LAMA4: variants seen among roughly 807,000 people sequenced by gnomAD.
LAMA4 encodes the protein laminin subunit alpha 4.
LAMA4 carries 127 observed loss-of-function variants against 207.1 expected under a neutral mutation model. The ratio of observed to expected loss-of-function variants is 0.61; its 90% CI spans 0.53 to 0.71. The LOEUF (loss-of-function observed/expected upper bound fraction) is 0.71, where lower values mean the gene tolerates loss of function less well. Ranked by LOEUF, LAMA4 falls within the 30% of genes least tolerant of loss-of-function variation. The pLI is 0.00. For missense variants in LAMA4, 2,093 were observed against 2,246.5 expected, an observed-to-expected ratio of 0.93 and a Z score of 1.38; for synonymous variants, 761 against 816.0, an observed-to-expected ratio of 0.93 and a Z score of 1.15.
At chr6:112,179,592 G>A (rs1782225025) in intron 9 of LAMA4, 1 of 157,510 alleles carries the variant, frequency 6.3e-6, no homozygotes, top group Admixed American at 6.5e-5. Context: ...GGATAGGGAA[G>A]TGGTTGTTTT....
intron 27 of LAMA4, 132 bp from the exon 28 acceptor site, chr6:112,133,022 T>G: frequency 1.0e-6 from 1 of 995,204 alleles, no homozygotes; most frequent in Non-Finnish European, 1.5e-6. Flanking sequence ...TTCTGGTCTA[T>G]GTTGGAATTC....
At chr6:112,215,509 T>C (rs185221418) in intron 3 of LAMA4, among the ~76,000 whole-genome samples, 2 of 141,186 alleles carry the variant, frequency 1.4e-5, no homozygotes, top group Admixed American at 1.4e-4. Context: ...GCAAAAATAC[T>C]CTTGTAGTTT....
intron 2 of LAMA4, among the ~76,000 whole-genome samples, chr6:112,227,764 C>T (rs1286776639): frequency 1.3e-5 from 2 of 152,062 alleles, no homozygotes; most frequent in African/African-American, 4.8e-5. Context: ...ACATATCTGT[C>T]TTAGTTAAAG....
rs1245723090 is a variant in LAMA4 at position 112,139,846 on chromosome 6, G to A, written c.3016C>T (p.Leu1006=). Residue 1006 remains leucine (L), a synonymous_variant, in exon 23 of 39, where the codon CTG becomes TTG. Transcript: ENST00000230538. Reference sequence around the variant, plus strand: ...TCATTATTCAAAGTGGCCAGTTCCAGGCAGCCAACAAAGCCAGGCAGGTTT... The same window carrying A: ...TCATTATTCAAAGTGGCCAGTTCCAAGCAGCCAACAAAGCCAGGCAGGTTT... ...SLNLPGFVGC[L]ELATLNNDVI... 5 of 1,613,958 alleles carry A rather than the reference G, an allele frequency of 3.1e-6. No individual in the cohort carries two copies. Among genetic ancestry groups the A allele is most frequent in the East Asian group, 2.2e-5 (1 of 44,878 alleles).
intron 14 of LAMA4, among the ~76,000 whole-genome samples, chr6:112,157,000 T>C (rs1466957581): frequency 6.6e-6 from 1 of 151,978 alleles, no homozygotes; most frequent in Non-Finnish European, 1.5e-5. Flanking sequence ...AATGCAGACA[T>C]GAAATAAAGG....
intron 16 of LAMA4, among the ~76,000 whole-genome samples, chr6:112,153,905 G>A (rs1250196723): frequency 3.9e-5 from 6 of 152,032 alleles, no homozygotes; most frequent in African/African-American, 1.4e-4. Flanking sequence ...AAGTATCTGT[G>A]TATGAAAAGC....
At chr6:112,212,783 A>G (rs571233625) in intron 3 of LAMA4, among the ~76,000 whole-genome samples, 1 of 152,242 alleles carries the variant, frequency 6.6e-6, no homozygotes, top group Non-Finnish European at 1.5e-5. Context: ...AAACAGGAAC[A>G]AGAAGTCTCT....
At chr6:112,181,199 G>T (rs2114910875) in intron 9 of LAMA4, among the ~76,000 whole-genome samples, 1 of 152,284 alleles carries the variant, frequency 6.6e-6, no homozygotes, top group East Asian at 1.9e-4. Context: ...GCAACCCACT[G>T]CTCTCTTCTC....
intron 18 of LAMA4, among the ~76,000 whole-genome samples, 194 bp downstream of exon 18, chr6:112,147,963 T>A (rs1780134789): frequency 6.6e-6 from 1 of 152,216 alleles, no homozygotes; most frequent in African/African-American, 2.4e-5. Flanking sequence ...ATATGTATGT[T>A]TCTCATATGT....
chr6:112,154,930 A>T lies in LAMA4; in HGVS notation c.1977T>A (p.Asp659Glu). 6.2e-7 allele frequency: 1 copy of T among 1,612,166 alleles called. No individual in the cohort carries two copies. Among genetic ancestry groups the T allele is most frequent in the Non-Finnish European group, 8.5e-7 (1 of 1,178,352 alleles). ...CATCTTTATGGTAAATGATTTGAGT[A>T]TCAATCCCACTCACCGCCTACAAAG... ...DRIYDAVSGI[D>E]TQIIYHKDES... The change falls in exon 16 of 39, where the codon GAT (aspartate) becomes GAA (glutamate). Residue 659 changes from aspartate (D) to glutamate (E), a missense_variant. By Grantham distance (45) the Asp-to-Glu change is conservative. Coordinates refer to ENST00000230538, the MANE Select transcript of LAMA4 (RefSeq NM_001105206.3).
chr6:112,128,221 GT>G (rs1229722212), intron 31 of LAMA4, among the ~76,000 whole-genome samples: 1 of 152,142 alleles, frequency 6.6e-6, no homozygotes, highest in Non-Finnish European at 1.5e-5. Flanking sequence ...GGAAACCATT[GT>G]AAGTTGGAAG....
intron 9 of LAMA4, among the ~76,000 whole-genome samples, chr6:112,180,529 A>G (rs1291615566): frequency 6.6e-6 from 1 of 152,246 alleles, no homozygotes; most frequent in Non-Finnish European, 1.5e-5. Context: ...TGAAATTAAA[A>G]AATTACCTTG....
rs1779649684 is a variant in LAMA4, at chr6:112,140,845, C to T, written c.2891G>A (p.Gly964Glu). Reference sequence around the variant, plus strand: ...CAGAGAGTCATCTCCCGAAAATTCCCCCTTTTTAATGAACTTTTCCTCTGC... The same window carrying T: ...CAGAGAGTCATCTCCCGAAAATTCCTCCTTTTTAATGAACTTTTCCTCTGC... ...STAEEKFIKK[G>E]EFSGDDSLLD... The change falls in exon 22 of 39, where the codon GGG becomes GAG. Residue 964 changes from glycine (G) to glutamate (E), a missense_variant. Physicochemically the swap from Gly to Glu is moderately conservative, Grantham distance 98. Coordinates refer to ENST00000230538, the MANE Select transcript of LAMA4 (RefSeq NM_001105206.3). 6.2e-7 allele frequency: 1 copy of T among 1,614,026 alleles called. No homozygotes were observed. The highest frequency in any genetic ancestry group is 8.5e-7 in the Non-Finnish European group (1 of 1,179,914).
Position 112,139,283 on chromosome 6 carries a change from A to C in LAMA4, c.3119T>G (p.Leu1040Arg), listed in dbSNP as rs533014868. The change falls in exon 24 of 39, where the codon CTG becomes CGG. Residue 1040 changes from leucine (L) to arginine (R), a missense_variant. By Grantham distance (102) the Leu-to-Arg change is moderately radical. Transcript: ENST00000230538. ...GGCAGCCCGACTCTGAGTGAAGGCC[A>C]GCTTATCTCTGAAATGGAAACACAA... ...STSVPCARDK[L>R]AFTQSRAASY... The C allele has an allele frequency of 3.2e-5, 51 of 1,614,198 alleles. No individual in the cohort carries two copies. The South Asian group carries it at 5.6e-4, about 18-fold the overall frequency.
chr6:112,140,775 C>G lies in LAMA4; in HGVS notation c.2961G>C (p.Val987=), dbSNP rs546058939. 2.5e-6 allele frequency: 4 copies of G among 1,613,926 alleles called. No homozygotes were observed. In the South Asian group the frequency reaches 3.3e-5, roughly 13 times the overall value. Residue 987 remains valine (V), a synonymous_variant, in exon 22 of 39, where the codon GTG becomes GTC. Transcript: ENST00000230538. ...TATGGCTGACCTTGAAGTTGGAAGG[C>G]ACTCCACCAACATAAAACACTGTGT... ...PEDTVFYVGG[V]PSNFKLPTSL...
At chr6:112,250,643 C>T (rs1359883192) in intron 2 of LAMA4, among the ~76,000 whole-genome samples, 3 of 152,212 alleles carry the variant, frequency 2.0e-5, no homozygotes, top group Admixed American at 6.5e-5. Flanking sequence ...GTCACCTCCT[C>T]CACCACCTTC....
intron 35 of LAMA4, 77 bp from the exon 36 acceptor site, chr6:112,116,070 T>A (rs1212082358): frequency 7.1e-7 from 1 of 1,401,544 alleles, no homozygotes; most frequent in African/African-American, 1.4e-5. Flanking sequence ...TGTAATTATA[T>A]ATATTTTTAT....
At chr6:112,175,251 G>T in intron 11 of LAMA4, 62 bp downstream of exon 11, 2 of 1,511,486 alleles carry the variant, frequency 1.3e-6, no homozygotes, top group Non-Finnish European at 1.8e-6. Context: ...TTTAATGTCT[G>T]CTATTGGACC....
chr6:112,186,819 G>A, intron 8 of LAMA4: 1 of 453,690 alleles, frequency 2.2e-6, no homozygotes, highest in South Asian at 1.6e-5. Flanking sequence ...TGTGGAACCT[G>A]TGGATATGGA....
Sources: allele counts gnomAD v4.1 joint callset (sites outside exome capture counted in the v4.1 genomes callset), GRCh38; gene constraint gnomAD v4.1.1; transcripts MANE v1.5; gene names NCBI Gene and HGNC (gene_info 2026-07-23, HGNC 2026-07-21).